The following SH3YL1 variants were observed in gnomAD, a reference collection of about 807,000 sequenced individuals.
SH3YL1 encodes the protein SH3 domain-containing YSC84-like protein 1.
SH3YL1 carries 41 observed loss-of-function variants against 45.8 expected under a neutral mutation model. That is an observed-to-expected ratio of 0.89 (90% CI 0.70 to 1.16). The LOEUF is 1.16. Among genes scored for constraint, SH3YL1 ranks in the 50% most tolerant of loss-of-function variants. SH3YL1 has a pLI of 0.00. For missense variants in SH3YL1, 389 were observed against 409.6 expected, an observed-to-expected ratio of 0.95 and a Z score of 0.43; for synonymous variants, 152 against 151.4, an observed-to-expected ratio of 1.00 and a Z score of -0.03.
intron 4 of SH3YL1, chr2:243,428 A>C (rs1020614067): frequency 7.2e-7 from 1 of 1,396,640 alleles, no homozygotes; most frequent in African/African-American, 1.5e-5. Flanking sequence ...CTTAAATAAC[A>C]AATGGCTCAA....
intron 1 of SH3YL1, chr2:262,569 T>A (rs1178538103): frequency 8.4e-6 from 11 of 1,302,336 alleles, no homozygotes; most frequent in Middle Eastern, 2.1e-4. Flanking sequence ...AAAATTTTTT[T>A]AAAAACTTCA....
intron 8 of SH3YL1, 67 bp from the exon 9 acceptor site, chr2:224,987 A>C: frequency 1.6e-6 from 2 of 1,252,644 alleles, no homozygotes; most frequent in Non-Finnish European, 1.2e-6. Context: ...AATACACAAA[A>C]TTGCCAGATC....
At chr2:233,544 C>A (rs1668154045) in intron 5 of SH3YL1, among the ~76,000 whole-genome samples, 2 of 152,210 alleles carry the variant, frequency 1.3e-5, no homozygotes, top group Admixed American at 1.3e-4. Context: ...CCAACCGGAT[C>A]TTCCTCTCTT....
intron 9 of SH3YL1, among the ~76,000 whole-genome samples, chr2:219,831 T>C (rs1430532399): frequency 6.6e-6 from 1 of 152,112 alleles, no homozygotes; most frequent in Non-Finnish European, 1.5e-5. Flanking sequence ...CTGTTTACAT[T>C]TCTGTGCTTA....
At chr2:232,387 G>A (rs1668086951) in intron 6 of SH3YL1, among the ~76,000 whole-genome samples, 1 of 151,802 alleles carries the variant, frequency 6.6e-6, no homozygotes, top group South Asian at 2.1e-4. Context: ...ACAAACATCT[G>A]AAAATCACTG....
chr2:241,764 G>A (rs577652315), intron 4 of SH3YL1: 1 of 152,070 alleles, frequency 6.6e-6, no homozygotes, highest in African/African-American at 2.4e-5. Context: ...AGAAAGAACT[G>A]GTCAACTTAG....
Position 247,525 on chromosome 2 carries a change from A to C in SH3YL1, c.291+13T>G, listed in dbSNP as rs1235240674. 1 of 1,550,376 alleles carries C rather than the reference A, an allele frequency of 6.5e-7. No individual in the cohort carries two copies. The highest frequency in any genetic ancestry group is 8.7e-7 in the Non-Finnish European group (1 of 1,145,876). ...GGATATGGCAGTTGTATGGACGTGC[A>C]CAAGCTACTTACCTCAATTCCTATT... On this transcript the variant is annotated intron_variant, in intron 4 of 9. Transcript: ENST00000356150.
chr2:232,950 A>G (rs537609807), intron 6 of SH3YL1, 151 bp downstream of exon 6: 1 of 524,866 alleles, frequency 1.9e-6, no homozygotes, highest in South Asian at 8.9e-5. Context: ...AGCATATATT[A>G]TTTGTATATT....
chr2:220,800 G>T (rs2103014955), intron 9 of SH3YL1, among the ~76,000 whole-genome samples: 1 of 152,296 alleles, frequency 6.6e-6, no homozygotes, highest in Middle Eastern at 3.4e-3. Flanking sequence ...AGAACCTCCA[G>T]GAACTCTGTT....
intron 1 of SH3YL1, chr2:262,927 C>G: frequency 6.7e-6 from 2 of 298,104 alleles, no homozygotes; most frequent in East Asian, 1.8e-4. Context: ...AACCAAATAA[C>G]CAATTCTCCT....
In SH3YL1 at chr2:253,059, A is replaced by G. The variant is rs1170532159; in HGVS notation, c.58T>C (p.Leu20=). 2.8e-5 allele frequency: 43 copies of G among 1,550,496 alleles called. No homozygotes were observed. In the South Asian group the frequency reaches 3.7e-4, roughly 13 times the overall value. Residue 20 remains leucine, a synonymous_variant, in exon 2 of 10, where the codon TTA becomes CTA. Transcript: ENST00000356150. The part of the protein sequence containing the change: ...KSEAKKAAKI[L]REFTEITSRN... ...GAAGTTATTTCTGTGAATTCTCTTA[A>G]TATTTTGGCAGCCTTTTTTGCTTCT...
At chr2:237,531 C>A (rs1419206331) in intron 4 of SH3YL1, among the ~76,000 whole-genome samples, 2 of 152,012 alleles carry the variant, frequency 1.3e-5, no homozygotes, top group Non-Finnish European at 2.9e-5. Context: ...ACCCTGTAAG[C>A]ATTTGATAAG....
chr2:218,708 C>G lies in SH3YL1; in HGVS notation c.*103G>C. The G allele has an allele frequency of 2.0e-6, 2 of 1,007,974 alleles. No homozygotes were observed. The highest frequency in any genetic ancestry group is 2.8e-6 in the Non-Finnish European group (2 of 716,242). The allele number at this position is 1,007,974 out of a possible 1,614,324, so 62.4% of individuals were successfully genotyped here. A position where few individuals can be genotyped will look rare whatever the true frequency, so the allele number is the denominator to read the frequency against. ...CATACGGAATGGAAATTTTGTAGAA[C>G]AGAAGTTTTTTAAAATTTATATTAA... On this transcript the variant is annotated 3_prime_UTR_variant, in exon 10 of 10. Transcript: ENST00000356150.
intron 2 of SH3YL1, among the ~76,000 whole-genome samples, chr2:250,876 T>C (rs1047871620): frequency 1.3e-5 from 2 of 152,244 alleles, no homozygotes; most frequent in African/African-American, 2.4e-5. Context: ...GGTTGCATCC[T>C]GGATGGCTGT....
intron 3 of SH3YL1, 59 bp from the exon 4 acceptor site, chr2:247,661 T>C (rs377373324): frequency 7.4e-7 from 1 of 1,351,856 alleles, no homozygotes; most frequent in South Asian, 1.3e-5. Context: ...CATGTAAATA[T>C]AGGAAGGAAA....
intron 4 of SH3YL1, chr2:239,889 G>C (rs181554105): frequency 1.3e-5 from 2 of 152,266 alleles, no homozygotes; most frequent in African/African-American, 4.8e-5. Flanking sequence ...AAGGAAGAGA[G>C]AGTTGGTGAC....
At chr2:230,786 T>C (rs534504522) in intron 7 of SH3YL1, 25 of 497,442 alleles carry the variant, frequency 5.0e-5, no homozygotes, top group Non-Finnish European at 8.3e-5. Context: ...ATTTGTATTA[T>C]TGATACAACA....
intron 5 of SH3YL1, among the ~76,000 whole-genome samples, chr2:233,848 A>C (rs182095885): frequency 2.6e-3 from 390 of 152,336 alleles, no homozygotes; most frequent in African/African-American, 9.1e-3. Context: ...GCTTAACTTT[A>C]TCATAAAATC....
At chr2:242,793 G>C (rs62114506) in intron 4 of SH3YL1, 392,866 of 1,533,988 alleles carry the variant, frequency 0.26, 51,992 homozygotes, top group South Asian at 0.29. Context: ...TAGATTCAAA[G>C]TTACCATTAG....
Sources: allele counts gnomAD v4.1 joint callset (sites outside exome capture counted in the v4.1 genomes callset), GRCh38; gene constraint gnomAD v4.1.1; transcripts MANE v1.5; gene names NCBI Gene and HGNC (gene_info 2026-07-23, HGNC 2026-07-21).